CROCC2: variants seen among roughly 807,000 people sequenced by gnomAD.
The protein encoded by CROCC2 is ciliary rootlet coiled-coil protein 2.
A neutral mutation model predicts 177.6 loss-of-function variants in CROCC2; 163 were observed. The observed-to-expected ratio is 0.92, with a 90% confidence interval of 0.81 to 1.05. The LOEUF (loss-of-function observed/expected upper bound fraction) is 1.05, where lower values mean the gene tolerates loss of function less well. Ranked by LOEUF, CROCC2 falls within the 50% of genes least tolerant of loss-of-function variation. The pLI is 0.00. For synonymous variants in CROCC2, 904 were observed against 787.3 expected (o/e 1.15, Z -2.48); for missense variants, 1,929 against 1,797.8 (o/e 1.07, Z -1.32).
chr2:240,936,617 A>G (rs1423448375), intron 14 of CROCC2, among the ~76,000 whole-genome samples: 1 of 152,152 alleles, frequency 6.6e-6, no homozygotes, highest in Non-Finnish European at 1.5e-5. Flanking sequence ...TTGTCCAGCA[A>G]CAATGTTTCC....
intron 20 of CROCC2, among the ~76,000 whole-genome samples, chr2:240,961,040 C>T (rs1206772610): frequency 6.6e-6 from 1 of 150,706 alleles, no homozygotes; most frequent in Admixed American, 6.6e-5. Flanking sequence ...AGCAGGGTGC[C>T]CAGAAAGGGA....
intron 14 of CROCC2, among the ~76,000 whole-genome samples, chr2:240,937,817 G>T (rs2059479089): frequency 1.3e-5 from 2 of 152,166 alleles, no homozygotes; most frequent in South Asian, 4.1e-4. Flanking sequence ...GAGGTGATTT[G>T]TTCATGGGGC....
rs28415027 is a variant in CROCC2, at chr2:240,917,255, G to T, written c.79-1471G>T. On this transcript the variant is annotated intron_variant, in intron 1 of 31. Coordinates refer to ENST00000690015, the MANE Select transcript of CROCC2 (RefSeq NM_001351305.2). This position sits in a 1 kb window ranked among gnomAD's most constrained non-coding sequence, Gnocchi z 4.9. ...GAGTCGGAATAGGGCCTCTCCAGGC[G>T]CCATGCTGAGCCTGGGTCTGCGGTG... Among the ~76,000 whole-genome samples the T allele has an allele frequency of 2.9e-5, 4 of 136,420 alleles. No homozygotes were observed. The South Asian group carries it at 9.9e-4, about 34-fold the overall frequency. 89.5% of individuals were successfully genotyped at this position (136,420 alleles called of 152,430 possible). A position where few individuals can be genotyped will look rare whatever the true frequency, so the allele number is the denominator to read the frequency against.
intron 1 of CROCC2, among the ~76,000 whole-genome samples, chr2:240,916,307 A>C (rs1424858510): frequency 6.6e-6 from 1 of 151,164 alleles, no homozygotes; most frequent in Non-Finnish European, 1.5e-5. Context: ...GGGTGGTTCC[A>C]TGGGGGCGGC....
At chr2:240,948,950 C>G (rs930649406) in intron 15 of CROCC2, 29 bp from the exon 16 acceptor site, 1 of 1,548,696 alleles carries the variant, frequency 6.5e-7, no homozygotes, top group East Asian at 2.4e-5. Flanking sequence ...TTGGGGATGA[C>G]TTGCCCATTG....
chr2:240,935,210 T>G (rs1415325836), intron 13 of CROCC2, 148 bp downstream of exon 13: 2 of 1,204,830 alleles, frequency 1.7e-6, no homozygotes, highest in African/African-American at 3.2e-5. Context: ...TGACTAGCCC[T>G]GGCCAGGCCT....
In CROCC2 at chr2:240,989,605, G is replaced by A. The variant is rs2059863377; in HGVS notation, c.4684-49G>A. 2.0e-6 allele frequency: 3 copies of A among 1,502,232 alleles called. No individual in the cohort carries two copies. The African/African-American group carries it at 4.2e-5, about 21-fold the overall frequency. 93.1% of individuals were successfully genotyped at this position (1,502,232 alleles called of 1,614,324 possible). ...TGGCACTCCTGCCCTGGGATTCTGT[G>A]CGGCCCTCAGTGAGAGACAGCAGTG... is the stretch of plus-strand genomic sequence containing the variant. On this transcript the variant is annotated intron_variant, in intron 29 of 31. Transcript: ENST00000690015.
At position 240,950,626 on chromosome 2, in the gene CROCC2, CCCAT is replaced by C. The variant is rs376043569; in HGVS notation, c.2829+136_2829+139del. 6,656 of 1,008,070 alleles carry C rather than the reference CCCAT, an allele frequency of 6.6e-3. 54 individuals carry two copies. Among genetic ancestry groups the C allele is most frequent in the Middle Eastern group, 9.2e-3 (30 of 3,268 alleles). 62.4% of individuals were successfully genotyped at this position (1,008,070 alleles called of 1,614,324 possible). A position where few individuals can be genotyped will look rare whatever the true frequency, so the allele number is the denominator to read the frequency against. Reference sequence around the variant, plus strand: ...TTAGGCAGGTCCAACCGCCTACCCACCCATCCATCCATCCATCCATCCAACCATC... The same window carrying C: ...TTAGGCAGGTCCAACCGCCTACCCACCCATCCATCCATCCATCCAACCATC... On this transcript the variant is annotated intron_variant, in intron 18 of 31. Transcript: ENST00000690015.
intron 1 of CROCC2, among the ~76,000 whole-genome samples, chr2:240,910,675 G>A (rs1306806491): frequency 1.3e-5 from 2 of 152,138 alleles, no homozygotes; most frequent in African/African-American, 2.4e-5. Flanking sequence ...CCGCGTACCG[G>A]CTCATAGTAT....
chr2:240,936,707 A>C (rs555540098), intron 14 of CROCC2, among the ~76,000 whole-genome samples: 195 of 152,336 alleles, frequency 1.3e-3, no homozygotes, highest in Admixed American at 3.6e-3. Flanking sequence ...ACCAGCACCC[A>C]GGTGATGTGA....
At position 240,967,425 on chromosome 2, in the gene CROCC2, C is replaced by T. The variant is rs773603391; in HGVS notation, c.4227C>T (p.Arg1409=). The T allele has an allele frequency of 5.4e-5, 68 of 1,248,826 alleles. No individual in the cohort carries two copies. The highest frequency in any genetic ancestry group is 1.2e-4 in the South Asian group (9 of 78,192). The allele number at this position is 1,248,826 out of a possible 1,614,324, so 77.4% of individuals were successfully genotyped here. The change falls in exon 26 of 32, where the codon CGC becomes CGT. Residue 1409 remains arginine, a synonymous_variant. Coordinates refer to ENST00000690015, the MANE Select transcript of CROCC2 (RefSeq NM_001351305.2). ...GCAGGTGTGCCCGGGCCCAGAGCCG[C>T]GTGGGGCAGCTGCAGAAAGCCCTGG... ...AECRCARAQS[R]VGQLQKALAE...
At position 240,968,112 on chromosome 2, in the gene CROCC2, C is replaced by CA. The variant is rs1433888276; in HGVS notation, c.4268-17_4268-16insA. ...AGGGGCATGGGGGCCCCTCAAGCCACCCTGCTTGCCCCACAGGCCAGCGCC... is the reference window on the plus strand; with the variant it reads ...AGGGGCATGGGGGCCCCTCAAGCCACACCTGCTTGCCCCACAGGCCAGCGCC... On this transcript the variant is annotated splice_polypyrimidine_tract_variant and intron_variant, in intron 26 of 31. Transcript: ENST00000690015. 5 of 1,422,030 alleles carry CA rather than the reference C, an allele frequency of 3.5e-6. No homozygotes were observed. The allele number at this position is 1,422,030 out of a possible 1,614,324, so 88.1% of individuals were successfully genotyped here.
At chr2:240,937,994 C>T (rs532121589) in intron 14 of CROCC2, among the ~76,000 whole-genome samples, 1 of 152,352 alleles carries the variant, frequency 6.6e-6, no homozygotes, top group South Asian at 2.1e-4. Context: ...TTCCTGAGGT[C>T]TCCCAGTCAT....
chr2:240,974,534 CT>C (rs61276773), intron 27 of CROCC2, among the ~76,000 whole-genome samples: 28,113 of 134,608 alleles, frequency 0.21, 3,442 homozygotes, highest in East Asian at 0.37. Flanking sequence ...TCTTTTTTTT[CT>C]TTTTTTTTTT....
At chr2:240,916,240 C>T (rs969894342) in intron 1 of CROCC2, among the ~76,000 whole-genome samples, 5 of 151,894 alleles carry the variant, frequency 3.3e-5, no homozygotes, top group African/African-American at 1.2e-4. Flanking sequence ...TCCTTCCCCT[C>T]CTCTCCCATC....
In CROCC2 at chr2:240,935,411, A is replaced by G. The variant is rs1173850073; in HGVS notation, c.1992A>G (p.Glu664=). The G allele has an allele frequency of 7.3e-7, 1 of 1,377,046 alleles. No homozygotes were observed. Among genetic ancestry groups the G allele is most frequent in the South Asian group, 1.8e-5 (1 of 55,594 alleles). 85.3% of individuals were successfully genotyped at this position (1,377,046 alleles called of 1,614,324 possible). ...AACAGCGGAAGACTCTGGAGCAGGA[A>G]CGGGCCCGGGCCGGGGAGCAGCTGG... ...LREQRKTLEQ[E]RARAGEQLAQ... Residue 664 remains glutamate, a synonymous_variant, in exon 14 of 32, where the codon GAA becomes GAG. Transcript: ENST00000690015.
In CROCC2 at chr2:240,958,079, G is replaced by T; in HGVS notation, c.2944-1222G>T. The stretch of plus-strand genomic sequence containing the variant: ...CGGCCTTCCTGGGGAGCTCGTTAAG[G>T]GTTCCTTTGCCACCTCGGCTCAGAA... On this transcript the variant is annotated intron_variant, in intron 19 of 31. Transcript: ENST00000690015. The surrounding 1 kb of genome is among the most constrained non-coding windows in gnomAD (Gnocchi z 6.7). The T allele has an allele frequency of 1.0e-5, 10 of 985,406 alleles. No individual in the cohort carries two copies. Among genetic ancestry groups the T allele is most frequent in the Admixed American group, 6.1e-5 (1 of 16,286 alleles). The allele number at this position is 985,406 out of a possible 1,614,324, so 61.0% of individuals were successfully genotyped here. A position where few individuals can be genotyped will look rare whatever the true frequency, so the allele number is the denominator to read the frequency against.
intron 5 of CROCC2, among the ~76,000 whole-genome samples, chr2:240,926,870 C>T (rs2059398500): frequency 6.6e-6 from 1 of 152,258 alleles, no homozygotes; most frequent in African/African-American, 2.4e-5. Flanking sequence ...CTATGCCAGG[C>T]CTTCTGGCTC....
intron 20 of CROCC2, among the ~76,000 whole-genome samples, chr2:240,961,813 A>ACACACACG (rs1231975443): frequency 3.6e-5 from 1 of 27,776 alleles, no homozygotes; most frequent in African/African-American, 3.9e-4. Flanking sequence ...ACACTCACAT[A>ACACACACG]CACTCACACA....
Sources: gnomAD v4.1 joint callset for allele counts (sites outside exome capture counted in the v4.1 genomes callset) on GRCh38, gnomAD v4.1.1 for gene constraint, Gnocchi (gnomAD v3.1) non-coding constraint, MANE v1.5 for transcripts, NCBI Gene and HGNC (gene_info 2026-07-23, HGNC 2026-07-21) for gene names.